The following NCOA1 variants were observed in gnomAD, a reference collection of about 807,000 sequenced individuals.
NCOA1 encodes nuclear receptor coactivator 1, also known as Hin-2 protein.
NCOA1 carries 35 observed loss-of-function variants against 150.9 expected under a neutral mutation model. The observed-to-expected ratio is 0.23, with a 90% CI of 0.18 to 0.31. The LOEUF is 0.31. Among genes scored for constraint, NCOA1 ranks in the 10% least tolerant of loss-of-function variants. NCOA1 has a pLI of 1.00. For synonymous variants in NCOA1, 590 were observed against 630.0 expected, an observed-to-expected ratio of 0.94 and a Z score of 0.95; for missense variants, 1,491 against 1,749.3, an observed-to-expected ratio of 0.85 and a Z score of 2.63.
intron 1 of NCOA1, among the ~76,000 whole-genome samples, chr2:24,546,478 C>G (rs568495661): frequency 3.3e-5 from 5 of 152,136 alleles, no homozygotes; most frequent in Admixed American, 6.5e-5. Flanking sequence ...ATATTTGAAA[C>G]TATAGTCCTA....
chr2:24,523,093 G>A (rs188065446), intron 1 of NCOA1, among the ~76,000 whole-genome samples: 1 of 152,300 alleles, frequency 6.6e-6, no homozygotes, highest in East Asian at 1.9e-4. Context: ...TCAATTATCT[G>A]TAGGTAGATT....
At chr2:24,616,124 A>G (rs1175035324) in intron 3 of NCOA1, among the ~76,000 whole-genome samples, 8 of 152,124 alleles carry the variant, frequency 5.3e-5, no homozygotes, top group African/African-American at 1.7e-4. Flanking sequence ...GCATTGTCAC[A>G]TTAGGTTATA....
intron 1 of NCOA1, among the ~76,000 whole-genome samples, chr2:24,542,626 G>A (rs1665445301): frequency 6.6e-6 from 1 of 152,144 alleles, no homozygotes. Flanking sequence ...TTTGGGCTTG[G>A]AGTTTGGGAA....
chr2:24,694,475 C>T (rs1306781592), intron 10 of NCOA1, among the ~76,000 whole-genome samples: 1 of 152,034 alleles, frequency 6.6e-6, no homozygotes, highest in Non-Finnish European at 1.5e-5. Context: ...TTATAAGATC[C>T]TATTTCATTA....
At chr2:24,729,360 A>G in intron 16 of NCOA1, 141 bp from the exon 17 acceptor site, 1 of 781,160 alleles carries the variant, frequency 1.3e-6, no homozygotes, top group Non-Finnish European at 2.0e-6. Flanking sequence ...AGCAGCTTTT[A>G]TAAATGATTT....
In NCOA1 at chr2:24,729,321, T is replaced by C. The variant is rs183746274; in HGVS notation, c.2887-180T>C. Reference sequence around the variant, plus strand: ...CATCTCTTTACTGAGATTTTAAATATCTCAGCTAATCCGTTACTCCATTTC... The same window carrying C: ...CATCTCTTTACTGAGATTTTAAATACCTCAGCTAATCCGTTACTCCATTTC... On this transcript the variant is annotated intron_variant, in intron 16 of 22. Transcript: ENST00000348332. Among the ~76,000 whole-genome samples, 742 of 152,344 alleles carry C rather than the reference T, an allele frequency of 4.9e-3. 5 individuals are homozygous for C. Among genetic ancestry groups the C allele is most frequent in the Admixed American group, 8.7e-3 (133 of 15,302 alleles).
chr2:24,712,553 A>T (rs1373286696), intron 14 of NCOA1, among the ~76,000 whole-genome samples: 2 of 152,222 alleles, frequency 1.3e-5, no homozygotes, highest in Non-Finnish European at 2.9e-5. Context: ...CTGACTGAAC[A>T]GACACAGTCA....
At chr2:24,576,163 G>GTTTTTGT (rs1666962193) in intron 2 of NCOA1, among the ~76,000 whole-genome samples, 1 of 92,732 alleles carries the variant, frequency 1.1e-5, no homozygotes, top group African/African-American at 4.6e-5. Flanking sequence ...TTTTTTTTTT[G>GTTTTTGT]TTTTTTGTTT....
At chr2:24,577,206 C>T (rs1327976516) in intron 2 of NCOA1, among the ~76,000 whole-genome samples, 1 of 149,780 alleles carries the variant, frequency 6.7e-6, no homozygotes, top group African/African-American at 2.4e-5. Flanking sequence ...TTTTTCTAAT[C>T]TTGCTTTTCT....
chr2:24,756,071 TAAAAAAA>T lies in NCOA1; in HGVS notation c.3882-1885_3882-1879del, dbSNP rs369987098. Among the ~76,000 whole-genome samples the T allele has an allele frequency of 6.1e-3, 664 of 108,190 alleles. 4 individuals are homozygous for T. Among genetic ancestry groups the T allele is most frequent in the Middle Eastern group, 0.015 (3 of 200 alleles). The allele number at this position is 108,190 out of a possible 152,430, so 71.0% of individuals were successfully genotyped here. ...CAACATGGCAAAACCCCATCTCTAC[TAAAAAAA>T]AAAAAAAAAAAAAAAAGAATACAAA... is the stretch of plus-strand genomic sequence containing the variant. On this transcript the variant is annotated intron_variant, in intron 20 of 22. Coordinates refer to ENST00000348332, the MANE Select transcript of NCOA1 (RefSeq NM_003743.5).
intron 14 of NCOA1, among the ~76,000 whole-genome samples, chr2:24,716,650 CAA>C (rs894840754): frequency 2.0e-5 from 3 of 152,028 alleles, no homozygotes; most frequent in Non-Finnish European, 4.4e-5. Flanking sequence ...TGATAGGACA[CAA>C]AAAGTGCTAA....
At chr2:24,641,083 A>G (rs1034312756) in intron 3 of NCOA1, among the ~76,000 whole-genome samples, 2 of 151,824 alleles carry the variant, frequency 1.3e-5, no homozygotes, top group Non-Finnish European at 2.9e-5. Flanking sequence ...TATATTTTCA[A>G]ATTCCTTTAT....
chr2:24,546,114 CTG>C (rs1169046336), intron 1 of NCOA1, among the ~76,000 whole-genome samples: 1 of 151,914 alleles, frequency 6.6e-6, no homozygotes, highest in Non-Finnish European at 1.5e-5. Flanking sequence ...TAATCACAAA[CTG>C]ACAGCTATTT....
intron 14 of NCOA1, among the ~76,000 whole-genome samples, chr2:24,725,708 AGTGTGCGTGTGTGTGT>A (rs1467724301): frequency 2.6e-5 from 2 of 78,218 alleles, no homozygotes; most frequent in African/African-American, 7.1e-5. Context: ...GTGGACCTAA[AGTGTGCGTGTGTGTGT>A]GTGTGTGTGT....
chr2:24,626,257 G>T (rs1312932874), intron 3 of NCOA1, among the ~76,000 whole-genome samples: 2 of 152,222 alleles, frequency 1.3e-5, no homozygotes. Flanking sequence ...AGGCACTGTT[G>T]AGTGGTGACT....
chr2:24,738,352 C>G (rs1663431414), intron 17 of NCOA1, among the ~76,000 whole-genome samples: 1 of 151,842 alleles, frequency 6.6e-6, no homozygotes, highest in South Asian at 2.1e-4. Flanking sequence ...ATTATTGTTA[C>G]TGTTATCTTC....
chr2:24,726,606 T>A lies in NCOA1; in HGVS notation c.2617T>A (p.Leu873Met). 6.2e-7 allele frequency: 1 copy of A among 1,608,714 alleles called. No individual in the cohort carries two copies. Among genetic ancestry groups the A allele is most frequent in the Non-Finnish European group, 8.5e-7 (1 of 1,177,204 alleles). Residue 873 changes from leucine (L) to methionine (M), a missense_variant, in exon 15 of 23, where the codon TTG (leucine) becomes ATG (methionine). Leu to Met is a conservative substitution (Grantham distance 15). This residue lies in a region of NCOA1 where 703 missense variants were observed against 717.7 expected (regional missense o/e 0.98). Transcript: ENST00000348332. ...TAAATCAGGATTACCTGAGCTGGAA[T>A]TGGAAGCAATTGATAACCAATTTGG... Reference protein sequence around the residue: ...SRLNRLPELELEAIDNQFGQP... With the variant: ...SRLNRLPELEMEAIDNQFGQP...
chr2:24,517,747 T>C lies in NCOA1; in HGVS notation c.-396+26145T>C, dbSNP rs563498908. 4.6e-5 allele frequency among the ~76,000 whole-genome samples: 7 copies of C among 152,340 alleles called. No homozygotes were observed. In the South Asian group the frequency reaches 1.4e-3, roughly 32 times the overall value. ...CTAGCTTTTTCATTTTAAAATTGTT[T>C]TATCTTTGTATTAGGGCACAGGATG... On this transcript the variant is annotated intron_variant, in intron 1 of 22. Transcript: ENST00000348332.
intron 3 of NCOA1, among the ~76,000 whole-genome samples, chr2:24,634,157 A>C (rs184937569): frequency 3.7e-4 from 56 of 152,352 alleles, no homozygotes; most frequent in Middle Eastern, 3.4e-3. Context: ...ATAATATAAA[A>C]AATTGACCAG....
Sources: allele counts gnomAD v4.1 joint callset (sites outside exome capture counted in the v4.1 genomes callset), GRCh38; gene constraint gnomAD v4.1.1; regional missense constraint gnomAD v4.1.1; transcripts MANE v1.5; gene names NCBI Gene and HGNC (gene_info 2026-07-23, HGNC 2026-07-21).